The following ACSS3 variants were observed in gnomAD, a reference collection of about 807,000 sequenced individuals.
The protein encoded by ACSS3 is acyl-CoA synthetase short-chain family member 3, mitochondrial.
Under a neutral mutation model 84.2 loss-of-function variants are expected in ACSS3, and 64 were observed. The observed-to-expected ratio is 0.76, with a 90% CI of 0.62 to 0.94. The LOEUF is 0.94. ACSS3 is among the 40% of genes least tolerant of loss of function. The probability of loss-of-function intolerance (pLI) is 0.00; values close to 1 mark genes in which losing one functional copy is unlikely to be tolerated. For synonymous variants in ACSS3, 317 were observed against 310.1 expected (o/e 1.02, Z -0.23); for missense variants, 815 against 867.6 (o/e 0.94, Z 0.76).
chr12:81,089,565 A>G (rs1057325976), intron 1 of ACSS3, among the ~76,000 whole-genome samples: 3 of 151,934 alleles, frequency 2.0e-5, no homozygotes, highest in Non-Finnish European at 4.4e-5. Flanking sequence ...GCTTCCTTTG[A>G]GTGTTTATGG....
chr12:81,146,286 G>A (rs568736748), intron 5 of ACSS3, among the ~76,000 whole-genome samples: 94 of 151,982 alleles, frequency 6.2e-4, no homozygotes, highest in Middle Eastern at 3.4e-3. Flanking sequence ...TACAATTCTC[G>A]TTTCATTTTT....
intron 7 of ACSS3, among the ~76,000 whole-genome samples, chr12:81,168,237 A>G (rs1001658452): frequency 6.6e-6 from 1 of 152,212 alleles, no homozygotes; most frequent in Non-Finnish European, 1.5e-5. Flanking sequence ...TGGTCTCTAC[A>G]TGACCATCTG....
chr12:81,083,623 G>A (rs1181214640), intron 1 of ACSS3, among the ~76,000 whole-genome samples: 1 of 151,564 alleles, frequency 6.6e-6, no homozygotes, highest in Non-Finnish European at 1.5e-5. Flanking sequence ...GCCTCCCAAA[G>A]TGCTGGGATT....
chr12:81,181,570 G>A (rs2030924226), intron 8 of ACSS3, among the ~76,000 whole-genome samples: 1 of 151,954 alleles, frequency 6.6e-6, no homozygotes. Context: ...TGAAGTTATT[G>A]AAAAGGAATT....
chr12:81,178,960 G>GGAACAGGT (rs961094052), intron 8 of ACSS3, among the ~76,000 whole-genome samples: 5 of 151,964 alleles, frequency 3.3e-5, no homozygotes, highest in African/African-American at 1.2e-4. Context: ...ATAGACCAGA[G>GGAACAGGT]GAACAGGTTA....
intron 8 of ACSS3, among the ~76,000 whole-genome samples, chr12:81,186,749 T>A (rs993366292): frequency 6.6e-6 from 1 of 151,846 alleles, no homozygotes; most frequent in Non-Finnish European, 1.5e-5. Context: ...ACTCTTGTAC[T>A]CTGTTCTTGA....
At chr12:81,154,332 T>C (rs1224852836) in intron 7 of ACSS3, among the ~76,000 whole-genome samples, 1 of 152,220 alleles carries the variant, frequency 6.6e-6, no homozygotes, top group African/African-American at 2.4e-5. Context: ...TCAAGTTTAT[T>C]TGAAACATGA....
At chr12:81,082,953 G>A (rs1921357) in intron 1 of ACSS3, among the ~76,000 whole-genome samples, 62,006 of 152,082 alleles carry the variant, frequency 0.41, 14,880 homozygotes, top group Non-Finnish European at 0.56. Flanking sequence ...AAATACTCCC[G>A]TGAGCTAATG....
chr12:81,154,231 G>A (rs1886756164), intron 7 of ACSS3, among the ~76,000 whole-genome samples: 1 of 152,180 alleles, frequency 6.6e-6, no homozygotes, highest in African/African-American at 2.4e-5. Flanking sequence ...AGCCAAAGAT[G>A]CTAACATATT....
rs1048303131 is a variant in ACSS3 at position 81,129,211 on chromosome 12, G to C, written c.457-5605G>C. 3.3e-5 allele frequency among the ~76,000 whole-genome samples: 5 copies of C among 152,068 alleles called. No homozygotes were observed. The East Asian group carries it at 9.7e-4, about 29-fold the overall frequency. On this transcript the variant is annotated intron_variant, in intron 2 of 15. Transcript: ENST00000548058. ...GACAACTCAGATGCCTACAGAAGAG[G>C]GTGGATGGGAGAAAAATCAATTGTA...
At chr12:81,108,330 G>A (rs2121505058) in intron 1 of ACSS3, among the ~76,000 whole-genome samples, 1 of 151,630 alleles carries the variant, frequency 6.6e-6, no homozygotes, top group African/African-American at 2.4e-5. Flanking sequence ...CCAGGCTGGA[G>A]TGCAGTGGCG....
Position 81,233,382 on chromosome 12 carries a change from G to C in ACSS3, c.1630G>C (p.Asp544His). ...TGATACCATGGATGCTGGTTACATGGATGAAGAAGGCTATTTGTATGTTAT... is the reference window on the plus strand; with the variant it reads ...TGATACCATGGATGCTGGTTACATGCATGAAGAAGGCTATTTGTATGTTAT... ...YYDTMDAGYM[D>H]EEGYLYVMSR... is the part of the protein sequence containing the mutation. The change falls in exon 13 of 16, where the codon GAT (aspartate) becomes CAT (histidine). Residue 544 changes from aspartate (D) to histidine (H), a missense_variant. Asp to His is a moderately conservative substitution (Grantham distance 81). Coordinates refer to ENST00000548058, the MANE Select transcript of ACSS3 (RefSeq NM_024560.4). 1 of 1,610,904 alleles carries C rather than the reference G, an allele frequency of 6.2e-7. No individual in the cohort carries two copies.
At chr12:81,248,548 G>T (rs1279415348) in intron 13 of ACSS3, among the ~76,000 whole-genome samples, 1 of 151,856 alleles carries the variant, frequency 6.6e-6, no homozygotes, top group Non-Finnish European at 1.5e-5. Flanking sequence ...GGCTGAGAAG[G>T]GTATGTGTGT....
intron 12 of ACSS3, among the ~76,000 whole-genome samples, chr12:81,233,132 T>C (rs1012546369): frequency 6.6e-5 from 10 of 151,836 alleles, no homozygotes; most frequent in African/African-American, 2.4e-4. Flanking sequence ...TAAACATTTC[T>C]AAAAACACTT....
intron 2 of ACSS3, among the ~76,000 whole-genome samples, chr12:81,129,660 T>A (rs1368289565): frequency 6.6e-6 from 1 of 152,204 alleles, no homozygotes; most frequent in Non-Finnish European, 1.5e-5. Flanking sequence ...AGTTCTAGGG[T>A]ACATGTGCAC....
intron 13 of ACSS3, among the ~76,000 whole-genome samples, chr12:81,236,734 A>AT: frequency 6.7e-6 from 1 of 150,090 alleles, no homozygotes; most frequent in South Asian, 2.1e-4. Flanking sequence ...CTTTTAACTT[A>AT]TTTTGGTTCT....
chr12:81,179,316 A>AC (rs1191013103), intron 8 of ACSS3, among the ~76,000 whole-genome samples: 3 of 150,448 alleles, frequency 2.0e-5, no homozygotes, highest in African/African-American at 7.3e-5. Context: ...ACACAAAAAA[A>AC]ACCCAGAAAC....
At chr12:81,201,284 T>G (rs2032093866) in intron 9 of ACSS3, among the ~76,000 whole-genome samples, 1 of 152,218 alleles carries the variant, frequency 6.6e-6, no homozygotes, top group Non-Finnish European at 1.5e-5. Flanking sequence ...TTTAAGATAA[T>G]TTCTCTTATC....
intron 5 of ACSS3, among the ~76,000 whole-genome samples, chr12:81,150,049 A>T (rs1886535221): frequency 6.6e-6 from 1 of 152,044 alleles, no homozygotes; most frequent in Admixed American, 6.6e-5. Context: ...TATCCTTTAC[A>T]TTTATGTTTC....
Sources: gnomAD v4.1 joint callset for allele counts (sites outside exome capture counted in the v4.1 genomes callset) on GRCh38, gnomAD v4.1.1 for gene constraint, MANE v1.5 for transcripts, NCBI Gene and HGNC (gene_info 2026-07-23, HGNC 2026-07-21) for gene names.